MDH1B: variants seen among roughly 807,000 people sequenced by gnomAD.
MDH1B encodes putative malate dehydrogenase 1B.
In MDH1B, 60 loss-of-function variants were observed where a neutral mutation model predicts 61.4. The observed-to-expected ratio is 0.98, with a 90% CI of 0.79 to 1.21. MDH1B has a LOEUF of 1.21. Among genes scored for constraint, MDH1B ranks in the 50% most tolerant of loss-of-function variants. MDH1B has a pLI of 0.00. For synonymous variants in MDH1B, 236 were observed against 218.7 expected (o/e 1.08, Z -0.70); for missense variants, 587 against 632.1 (o/e 0.93, Z 0.76).
In MDH1B at chr2:206,738,957, G is replaced by A. The variant is rs74487860; in HGVS notation, c.1529-446C>T. On this transcript the variant is annotated intron_variant, in intron 11 of 11. Transcript: ENST00000374412. Reference sequence around the variant, plus strand: ...CATTTAAATAAAAGGGTGGGGGCTTGGGTGAATATCCTGATTGGTCAACCA... The same window carrying A: ...CATTTAAATAAAAGGGTGGGGGCTTAGGTGAATATCCTGATTGGTCAACCA... Among the ~76,000 whole-genome samples the A allele has an allele frequency of 9.4e-3, 1,436 of 152,256 alleles. 29 individuals are homozygous for A. The highest frequency in any genetic ancestry group is 0.033 in the African/African-American group (1,365 of 41,528).
At chr2:206,750,857 AGAT>A in intron 6 of MDH1B, 74 bp downstream of exon 6, 6 of 1,195,104 alleles carry the variant, frequency 5.0e-6, no homozygotes, top group Non-Finnish European at 6.7e-6. Flanking sequence ...AAGATTTATG[AGAT>A]GATTTAAAAG....
At chr2:206,763,729 T>C (rs1192747963) in intron 1 of MDH1B, among the ~76,000 whole-genome samples, 1 of 152,192 alleles carries the variant, frequency 6.6e-6, no homozygotes, top group Admixed American at 6.5e-5. Flanking sequence ...TATTTTATAT[T>C]CTCAATTGTC....
At chr2:206,741,932 T>C (rs1218672313) in intron 9 of MDH1B, among the ~76,000 whole-genome samples, 1 of 152,156 alleles carries the variant, frequency 6.6e-6, no homozygotes, top group Non-Finnish European at 1.5e-5. Flanking sequence ...ATGAACTGTT[T>C]AATGAGTTAT....
At position 206,739,681 on chromosome 2, in the gene MDH1B, A is replaced by C. The variant is rs1303435392; in HGVS notation, c.1460-20T>G. 1 of 1,611,456 alleles carries C rather than the reference A, an allele frequency of 6.2e-7. No individual in the cohort carries two copies. Among genetic ancestry groups the C allele is most frequent in the Non-Finnish European group, 8.5e-7 (1 of 1,177,908 alleles). On this transcript the variant is annotated intron_variant, in intron 10 of 11. Coordinates refer to ENST00000374412, the MANE Select transcript of MDH1B (RefSeq NM_001039845.3). ...CTGCTGCTGCAAATAGAGTTAAAAG[A>C]ATAGTTTTTAGTATGTAAAGCGCAA...
At chr2:206,760,811 G>C in intron 2 of MDH1B, 90 bp downstream of exon 2, 1 of 705,080 alleles carries the variant, frequency 1.4e-6, no homozygotes, top group Admixed American at 2.2e-5. Flanking sequence ...GTCATTCCTA[G>C]AAGCCAGTCT....
chr2:206,738,972 T>C (rs1337130228), intron 11 of MDH1B, among the ~76,000 whole-genome samples: 2 of 152,232 alleles, frequency 1.3e-5, no homozygotes, highest in East Asian at 1.9e-4. Flanking sequence ...AATATCCTGA[T>C]TGGTCAACCA....
In MDH1B at chr2:206,756,967, T is replaced by G. The variant is rs771361515; in HGVS notation, c.344A>C (p.His115Pro). ...TTCTTCCTCCTGCTCTTTTTCTATA[T>G]GTGCCCCCAGGTTCTCTTGAGCAAT... The part of the protein sequence containing the change: ...MVIAQENLGA[H>P]IEKEQEEEAL... Residue 115 changes from histidine (H) to proline (P), a missense_variant, in exon 4 of 12, where the codon CAT becomes CCT. Transcript: ENST00000374412. The G allele has an allele frequency of 6.2e-7, 1 of 1,614,170 alleles. No individual in the cohort carries two copies. Among genetic ancestry groups the G allele is most frequent in the South Asian group, 1.1e-5 (1 of 91,078 alleles).
intron 9 of MDH1B, among the ~76,000 whole-genome samples, chr2:206,744,882 A>G (rs147381513): frequency 1.5e-3 from 230 of 152,106 alleles, no homozygotes; most frequent in Admixed American, 3.1e-3. Context: ...CCGAGATGGC[A>G]CCACTGCACT....
chr2:206,761,656 G>A (rs1175934676), intron 1 of MDH1B, among the ~76,000 whole-genome samples: 2 of 151,910 alleles, frequency 1.3e-5, no homozygotes, highest in Non-Finnish European at 2.9e-5. Flanking sequence ...ACATATATAT[G>A]GGGTGCAGGT....
chr2:206,759,752 T>C (rs2105952783), intron 2 of MDH1B, among the ~76,000 whole-genome samples: 1 of 152,346 alleles, frequency 6.6e-6, no homozygotes, highest in African/African-American at 2.4e-5. Flanking sequence ...GCCACACACC[T>C]GAACTCCCTG....
At chr2:206,747,611 C>T (rs1407402474) in intron 7 of MDH1B, among the ~76,000 whole-genome samples, 2 of 152,244 alleles carry the variant, frequency 1.3e-5, no homozygotes, top group Middle Eastern at 6.8e-3. Context: ...CCAGAAAAAG[C>T]CTTTGCCCTC....
Position 206,749,120 on chromosome 2 carries a change from A to G in MDH1B, c.1116T>C (p.Phe372=). 1 of 1,614,170 alleles carries G rather than the reference A, an allele frequency of 6.2e-7. No individual in the cohort carries two copies. The highest frequency in any genetic ancestry group is 8.5e-7 in the Non-Finnish European group (1 of 1,179,992). Residue 372 remains phenylalanine, a synonymous_variant, in exon 7 of 12, where the codon TTT becomes TTC. Transcript: ENST00000374412. ...LKNLTTTGRQ[F]GGILAAHSIA... is the part of the protein sequence containing the mutation. Reference sequence around the variant, plus strand: ...TACTGTGTGCAGCCAAAATGCCTCCAAATTGTCTTCCTGTGGTGGTCAAGT... The same window carrying G: ...TACTGTGTGCAGCCAAAATGCCTCCGAATTGTCTTCCTGTGGTGGTCAAGT...
At chr2:206,763,325 T>A (rs2105960965) in intron 1 of MDH1B, among the ~76,000 whole-genome samples, 1 of 152,014 alleles carries the variant, frequency 6.6e-6, no homozygotes, top group East Asian at 1.9e-4. Context: ...TTTTTCTCCC[T>A]TATCTGCCCT....
In MDH1B at chr2:206,757,016, T is replaced by C. The variant is rs1688800654; in HGVS notation, c.295A>G (p.Met99Val). The C allele has an allele frequency of 6.2e-7, 1 of 1,613,852 alleles. No homozygotes were observed. The highest frequency in any genetic ancestry group is 8.5e-7 in the Non-Finnish European group (1 of 1,179,746). ...AQLYYDVTSS[M>V]TTELMMVIAQ... ...ATTACCATCATCAGTTCAGTCGTCATGCTAGAGGTGACATCATAGTAAAGC... is the reference window on the plus strand; with the variant it reads ...ATTACCATCATCAGTTCAGTCGTCACGCTAGAGGTGACATCATAGTAAAGC... Residue 99 changes from methionine (M) to valine (V), a missense_variant, in exon 4 of 12, where the codon ATG becomes GTG. Transcript: ENST00000374412.
intron 11 of MDH1B, among the ~76,000 whole-genome samples, chr2:206,738,863 C>T (rs931419660): frequency 2.0e-5 from 3 of 152,190 alleles, no homozygotes; most frequent in African/African-American, 4.8e-5. Flanking sequence ...TGATTAGCCC[C>T]ATTCCTAAGT....
rs546473860 is a variant in MDH1B, at chr2:206,750,958, G to A, written c.1028C>T (p.Pro343Leu). The change falls in exon 6 of 12, where the codon CCT becomes CTT. Residue 343 changes from proline to leucine, a missense_variant. Coordinates refer to ENST00000374412, the MANE Select transcript of MDH1B (RefSeq NM_001039845.3). ...AIWGPLHYSR[P>L]VLNLIFDSEW... ...CCTGTCAAAAATCAAGTTTAAAACA[G>A]GGCGTGAATAATGAAGAGGTCCCCA... 22 of 1,609,096 alleles carry A rather than the reference G, an allele frequency of 1.4e-5. No homozygotes were observed. Among genetic ancestry groups the A allele is most frequent in the Admixed American group, 1.0e-4 (6 of 59,404 alleles).
At chr2:206,750,184 A>T (rs575221747) in intron 6 of MDH1B, among the ~76,000 whole-genome samples, 22 of 152,036 alleles carry the variant, frequency 1.4e-4, no homozygotes, top group Non-Finnish European at 2.6e-4. Context: ...AAAGTTTAGA[A>T]AAAATGCTTC....
At chr2:206,762,650 G>A (rs1005561870) in intron 1 of MDH1B, among the ~76,000 whole-genome samples, 2 of 152,122 alleles carry the variant, frequency 1.3e-5, no homozygotes, top group Admixed American at 6.6e-5. Flanking sequence ...TCTTGAAAGA[G>A]TTCCCTATAT....
Position 206,746,300 on chromosome 2 carries a change from C to G in MDH1B, c.1343G>C (p.Ser448Thr), listed in dbSNP as rs774496605. 15 of 1,613,386 alleles carry G rather than the reference C, an allele frequency of 9.3e-6. No homozygotes were observed. Among genetic ancestry groups the G allele is most frequent in the Non-Finnish European group, 1.3e-5 (15 of 1,179,646 alleles). ...TTCTGACATTACCTGAATTAGATCACTTGTCATTCGGGTCATTATTTGTTC... is the reference window on the plus strand; with the variant it reads ...TTCTGACATTACCTGAATTAGATCAGTTGTCATTCGGGTCATTATTTGTTC... Reference protein sequence around the residue: ...ISEQIMTRMTSDLIQEKLVAL... With the variant: ...ISEQIMTRMTTDLIQEKLVAL... The change falls in exon 8 of 12, where the codon AGT (serine) becomes ACT (threonine). Residue 448 changes from serine to threonine, a missense_variant. Transcript: ENST00000374412.
Sources: allele counts gnomAD v4.1 joint callset (sites outside exome capture counted in the v4.1 genomes callset), GRCh38; gene constraint gnomAD v4.1.1; transcripts MANE v1.5; gene names NCBI Gene and HGNC (gene_info 2026-07-23, HGNC 2026-07-21).